The following HEPN1 variants were observed in gnomAD, a reference collection of about 807,000 sequenced individuals.
The protein encoded by HEPN1 is hepatocellular carcinoma, down-regulated 1.
For synonymous variants in HEPN1, 46 were observed against 41.2 expected (o/e 1.12, Z -0.45); for missense variants, 97 against 103.3 (o/e 0.94, Z 0.26).
chr11:124,920,223 G>A, exon 1 of HEPN1: 2 of 868,676 alleles, frequency 2.3e-6, no homozygotes, highest in Non-Finnish European at 3.5e-6. Flanking sequence ...GACAATGATT[G>A]TTTGAAAGGC....
chr11:124,920,036 T>C, exon 1 of HEPN1: 2 of 1,606,702 alleles, frequency 1.2e-6, no homozygotes, highest in Non-Finnish European at 1.7e-6. Flanking sequence ...TCTGCCCTTT[T>C]TCTGTGCCCT....
exon 1 of HEPN1, chr11:124,919,400 C>G: frequency 3.8e-6 from 1 of 266,080 alleles, no homozygotes; most frequent in Admixed American, 4.9e-5. Flanking sequence ...TTGGCTTAAG[C>G]CTGGCAAGCT....
chr11:124,919,451 A>C, exon 1 of HEPN1: 2 of 406,992 alleles, frequency 4.9e-6, no homozygotes, highest in South Asian at 8.0e-5. Context: ...GCATGTTCTC[A>C]TCTCACCCTA....
At chr11:124,920,515 C>A in exon 1 of HEPN1, 1 of 1,459,868 alleles carries the variant, frequency 6.8e-7, no homozygotes, top group Non-Finnish European at 9.2e-7. Context: ...CTTCCCTCAC[C>A]ACCTTGTAGG....
exon 1 of HEPN1, chr11:124,919,606 A>C (rs1227536304): frequency 6.8e-6 from 6 of 876,008 alleles, no homozygotes; most frequent in Non-Finnish European, 1.0e-5. Flanking sequence ...GGAGCTGCGA[A>C]GGCACACCTG....
At chr11:124,919,638 G>T in exon 1 of HEPN1, 2 of 1,243,886 alleles carry the variant, frequency 1.6e-6, no homozygotes, top group Non-Finnish European at 2.2e-6. Flanking sequence ...CTGGGGAAGT[G>T]CCGAGGGACA....
exon 1 of HEPN1, chr11:124,920,315 G>A (rs1947109899): frequency 7.4e-7 from 1 of 1,358,646 alleles, no homozygotes; most frequent in Non-Finnish European, 1.0e-6. Context: ...TTCGGGCCAG[G>A]GGAGTAAGTG....
Position 124,919,524 on chromosome 11 carries a change from T to A in HEPN1, c.-227T>A, listed in dbSNP as rs79225627. The A allele has an allele frequency of 1.3e-3, 738 of 579,688 alleles. 3 individuals are homozygous for A. The highest frequency in any genetic ancestry group is 0.013 in the African/African-American group (675 of 53,638). 35.9% of individuals were successfully genotyped at this position (579,688 alleles called of 1,614,324 possible). ...CTCCTTATCCAAGTCCTGCTGCCTCTTCCACCTTCTTGAGAAACTTTTCCC... is the reference window on the plus strand; with the variant it reads ...CTCCTTATCCAAGTCCTGCTGCCTCATCCACCTTCTTGAGAAACTTTTCCC... On this transcript the variant is annotated 5_prime_UTR_variant, in exon 1 of 1. Coordinates refer to ENST00000408930, the Ensembl canonical transcript of HEPN1.
exon 1 of HEPN1, chr11:124,920,470 GCCCA>G: frequency 6.5e-7 from 1 of 1,539,064 alleles, no homozygotes; most frequent in Non-Finnish European, 8.8e-7. Flanking sequence ...CCTTGCTAGC[GCCCA>G]GGTCAGAGGG....
chr11:124,919,336 A>AAAAC lies in HEPN1; in HGVS notation c.-410_-407dup, dbSNP rs560243987. 0.22 allele frequency: 43,797 copies of AAAAC among 199,830 alleles called. 5,558 individuals carry two copies. The highest frequency in any genetic ancestry group is 0.35 in the African/African-American group (15,169 of 42,924). The allele number at this position is 199,830 out of a possible 1,614,324, so 12.4% of individuals were successfully genotyped here. ...CAAAGATGAAGATGAAAACAACACA[A>AAAAC]AAACAAACCCCACTTCCTTACTTAC... On this transcript the variant is annotated 5_prime_UTR_variant, in exon 1 of 1. An upstream open reading frame in the 5' UTR gains an earlier in-frame stop. Coordinates refer to ENST00000408930, the Ensembl canonical transcript of HEPN1.
rs778985866 is a variant in HEPN1, at chr11:124,919,974, T to C, written c.224T>C (p.Leu75Pro). ...AATAGGCGGTGGCATGGGCATGTCC[T>C]GGCTACACAGCGGCCCAGCCTCTTT... is the stretch of plus-strand genomic sequence containing the variant. The change falls in exon 1 of 1, where the codon CTG (leucine) becomes CCG (proline). Residue 75 changes from leucine (L) to proline (P), a missense_variant. Physicochemically the swap from Leu to Pro is moderately conservative, Grantham distance 98. Transcript: ENST00000408930. 3.1e-6 allele frequency: 5 copies of C among 1,613,688 alleles called. No homozygotes were observed. In the South Asian group the frequency reaches 5.5e-5, roughly 18 times the overall value.
chr11:124,920,353 C>A, exon 1 of HEPN1: 1 of 1,513,140 alleles, frequency 6.6e-7, no homozygotes, highest in Non-Finnish European at 9.0e-7. Context: ...AGAATAAGCC[C>A]ATCCATCTCT....
At chr11:124,919,530 C>T (rs1947094399) in exon 1 of HEPN1, 1 of 583,950 alleles carries the variant, frequency 1.7e-6, no homozygotes, top group East Asian at 2.8e-5. Flanking sequence ...CCTCTTCCAC[C>T]TTCTTGAGAA....
chr11:124,920,395 T>G, exon 1 of HEPN1: 1 of 1,548,456 alleles, frequency 6.5e-7, no homozygotes, highest in Non-Finnish European at 8.7e-7. Context: ...AAAGAGTGCT[T>G]GGCATGGCAT....
chr11:124,919,485 C>T, exon 1 of HEPN1: 1 of 514,312 alleles, frequency 1.9e-6, no homozygotes, highest in East Asian at 3.3e-5. Context: ...CATCTCAAGG[C>T]TGACCAGCAG....
At chr11:124,920,186 T>A in exon 1 of HEPN1, 2 of 900,280 alleles carry the variant, frequency 2.2e-6, no homozygotes, top group Non-Finnish European at 1.7e-6. Context: ...TTCTCACAGC[T>A]GGAGGAAGCT....
rs1348211442 is a variant in HEPN1 at position 124,919,504 on chromosome 11, T to C, written c.-247T>C. 3.3e-5 allele frequency: 18 copies of C among 551,080 alleles called. No homozygotes were observed. The highest frequency in any genetic ancestry group is 9.4e-4 in the Middle Eastern group (2 of 2,122). The allele number at this position is 551,080 out of a possible 1,614,324, so 34.1% of individuals were successfully genotyped here. On this transcript the variant is annotated 5_prime_UTR_variant, in exon 1 of 1. Coordinates refer to ENST00000408930, the Ensembl canonical transcript of HEPN1. ...TCAAGGCTGACCAGCAGGTACTCCT[T>C]ATCCAAGTCCTGCTGCCTCTTCCAC...
At chr11:124,919,649 G>C (rs1947096299) in exon 1 of HEPN1, 4 of 1,353,782 alleles carry the variant, frequency 3.0e-6, no homozygotes, top group Admixed American at 4.1e-5. Flanking sequence ...CCGAGGGACA[G>C]GGAGCTGAGA....
exon 1 of HEPN1, chr11:124,919,689 G>T: frequency 6.3e-7 from 1 of 1,578,844 alleles, no homozygotes; most frequent in Admixed American, 1.7e-5. Context: ...AGGGCAGAGG[G>T]GGCAAACTAG....
Sources: gnomAD v4.1 joint callset for allele counts on GRCh38, gnomAD v4.1.1 for gene constraint, MANE v1.5 for transcripts, NCBI Gene and HGNC (gene_info 2026-07-23, HGNC 2026-07-21) for gene names.